Variants in MMRN1 observed in about 807,000 individuals in gnomAD.
The protein encoded by MMRN1 is multimerin-1.
MMRN1 carries 94 observed loss-of-function variants against 100.7 expected under a neutral mutation model. The ratio of observed to expected loss-of-function variants is 0.93; its 90% CI spans 0.79 to 1.11. MMRN1 has a LOEUF of 1.11. Among genes scored for constraint, MMRN1 ranks in the 50% least tolerant of loss-of-function variants. The pLI is 0.00. For missense variants in MMRN1, 1,606 were observed against 1,439.1 expected (o/e 1.12, Z -1.88); for synonymous variants, 575 against 505.0 (o/e 1.14, Z -1.86).
rs1723261342 is a variant in MMRN1, at chr4:89,953,845, T to C, written c.*427T>C. 1 of 152,792 alleles carries C rather than the reference T, an allele frequency of 6.5e-6. No homozygotes were observed. Among genetic ancestry groups the C allele is most frequent in the African/African-American group, 2.4e-5 (1 of 41,476 alleles). The allele number at this position is 152,792 out of a possible 1,614,324, so 9.5% of individuals were successfully genotyped here. A position where few individuals can be genotyped will look rare whatever the true frequency, so the allele number is the denominator to read the frequency against. ...TTCTAGATTCACAAATTTAAATAAA[T>C]TACTCAAAAAATGAAAATTGATTTT... is the stretch of plus-strand genomic sequence containing the variant. On this transcript the variant is annotated 3_prime_UTR_variant, in exon 8 of 8. Transcript: ENST00000264790.
At chr4:89,881,847 G>A (rs1899389) in intron 1 of MMRN1, among the ~76,000 whole-genome samples, 87,508 of 151,772 alleles carry the variant, frequency 0.58, 25,745 homozygotes, top group East Asian at 0.78. Flanking sequence ...TGAGTCTAGT[G>A]TAATAACGTA....
At chr4:89,926,530 C>A (rs1387187032) in intron 4 of MMRN1, among the ~76,000 whole-genome samples, 2 of 151,972 alleles carry the variant, frequency 1.3e-5, no homozygotes, top group Non-Finnish European at 2.9e-5. Flanking sequence ...GATTATTAGT[C>A]CCTTGTCAGA....
chr4:89,911,884 C>T (rs758616249), intron 2 of MMRN1, 60 bp from the exon 3 acceptor site: 112 of 1,160,792 alleles, frequency 9.6e-5, no homozygotes, highest in Middle Eastern at 2.1e-4. Flanking sequence ...TTTATTATTC[C>T]GGCTGATAAT....
intron 4 of MMRN1, among the ~76,000 whole-genome samples, chr4:89,925,178 C>T (rs1323780569): frequency 2.0e-5 from 3 of 151,152 alleles, no homozygotes; most frequent in South Asian, 4.2e-4. Context: ...GGGTCTGCAC[C>T]CAGGCAGGAG....
At chr4:89,940,687 T>C (rs890675878) in intron 6 of MMRN1, among the ~76,000 whole-genome samples, 3 of 152,144 alleles carry the variant, frequency 2.0e-5, no homozygotes, top group Non-Finnish European at 2.9e-5. Context: ...AAGAATAACA[T>C]ACAAACCTTA....
chr4:89,926,255 G>A (rs1722255719), intron 4 of MMRN1, among the ~76,000 whole-genome samples: 1 of 152,134 alleles, frequency 6.6e-6, no homozygotes, highest in African/African-American at 2.4e-5. Flanking sequence ...CAGGGTATGG[G>A]GGGGTTCCCT....
chr4:89,915,604 A>T (rs1485870396), intron 3 of MMRN1, among the ~76,000 whole-genome samples: 1 of 151,518 alleles, frequency 6.6e-6, no homozygotes. Flanking sequence ...CTAATTAAAA[A>T]AAAAAGCATC....
chr4:89,891,824 C>A (rs75579177), upstream of MMRN1, among the ~76,000 whole-genome samples: 879 of 152,036 alleles, frequency 5.8e-3, 3 homozygotes, highest in Non-Finnish European at 9.1e-3. Flanking sequence ...ATAGGAATTT[C>A]TCATGTGAAA....
chr4:89,929,041 C>T (rs1041946234), intron 5 of MMRN1, among the ~76,000 whole-genome samples: 4 of 152,062 alleles, frequency 2.6e-5, no homozygotes, highest in African/African-American at 9.7e-5. Context: ...CCAGGGAAAG[C>T]GTCTAGAAAG....
rs1392656793 is a variant in MMRN1, at chr4:89,942,023, C to T, written c.3118+5225C>T. Among the ~76,000 whole-genome samples the T allele has an allele frequency of 2.6e-5, 4 of 152,212 alleles. No homozygotes were observed. In the East Asian group the frequency reaches 7.7e-4, roughly 29 times the overall value. The stretch of plus-strand genomic sequence containing the variant: ...ACAACCTTTTCTGTCACCTTGTCCT[C>T]AATAAAGTAGCCAGGCTATCTAAGG... On this transcript the variant is annotated intron_variant, in intron 6 of 7. Transcript: ENST00000264790.
At position 89,910,440 on chromosome 4, in the gene MMRN1, G is replaced by A. The variant is rs368811080; in HGVS notation, c.743+1045G>A. ...ACCATAAGTATTTATCTTTATTCTC[G>A]AATCTTATCTTTTTTATGCCTTCTG... On this transcript the variant is annotated intron_variant, in intron 2 of 7. Coordinates refer to ENST00000264790, the MANE Select transcript of MMRN1 (RefSeq NM_007351.3). 8.0e-5 allele frequency among the ~76,000 whole-genome samples: 12 copies of A among 150,624 alleles called. No homozygotes were observed. In the South Asian group the frequency reaches 2.5e-3, roughly 32 times the overall value.
At chr4:89,925,528 A>G (rs1256020425) in intron 4 of MMRN1, among the ~76,000 whole-genome samples, 3 of 149,100 alleles carry the variant, frequency 2.0e-5, no homozygotes, top group Admixed American at 6.7e-5. Context: ...TTAATTTTTA[A>G]TTAAAAATTT....
chr4:89,938,934 C>T (rs781285879), intron 6 of MMRN1, among the ~76,000 whole-genome samples: 26 of 151,918 alleles, frequency 1.7e-4, no homozygotes, highest in Non-Finnish European at 2.9e-4. Context: ...TATGCCAGGC[C>T]GGGCCAGCAA....
intron 6 of MMRN1, among the ~76,000 whole-genome samples, chr4:89,939,791 TTTTTAGGGAG>T (rs1378279644): frequency 3.3e-5 from 5 of 152,162 alleles, no homozygotes; most frequent in Non-Finnish European, 7.4e-5. Context: ...GGAGCCGATA[TTTTTAGGGAG>T]TTTCTTTTCT....
intron 2 of MMRN1, among the ~76,000 whole-genome samples, chr4:89,910,939 G>A (rs1176364102): frequency 6.6e-6 from 1 of 151,296 alleles, no homozygotes; most frequent in African/African-American, 2.4e-5. Context: ...GTTGTACGTG[G>A]CAAACTCCAG....
chr4:89,953,056 T>C lies in MMRN1; in HGVS notation c.3325T>C (p.Tyr1109His). Residue 1109 changes from tyrosine (Y) to histidine (H), a missense_variant, in exon 8 of 8, where the codon TAT (tyrosine) becomes CAT (histidine). Transcript: ENST00000264790. Reference sequence around the variant, plus strand: ...GGTGGCATTTTTTGCATCTCATACGTATGGAATGACTATACCTGGTCCTAT... The same window carrying C: ...GGTGGCATTTTTTGCATCTCATACGCATGGAATGACTATACCTGGTCCTAT... Reference protein sequence around the residue: ...PMVAFFASHTYGMTIPGPILF... With the variant: ...PMVAFFASHTHGMTIPGPILF... 1 of 1,613,726 alleles carries C rather than the reference T, an allele frequency of 6.2e-7. No individual in the cohort carries two copies. Among genetic ancestry groups the C allele is most frequent in the Non-Finnish European group, 8.5e-7 (1 of 1,179,754 alleles).
intron 4 of MMRN1, among the ~76,000 whole-genome samples, chr4:89,923,598 C>A (rs1306077372): frequency 6.6e-6 from 1 of 152,150 alleles, no homozygotes; most frequent in East Asian, 1.9e-4. Flanking sequence ...ATGGAAGACC[C>A]TTGACATGGA....
intron 3 of MMRN1, among the ~76,000 whole-genome samples, chr4:89,912,795 G>C (rs1721796743): frequency 6.6e-6 from 1 of 151,176 alleles, no homozygotes; most frequent in Non-Finnish European, 1.5e-5. Context: ...TAATAAAACT[G>C]TGGAGAAACC....
Position 89,947,209 on chromosome 4 carries a change from G to A in MMRN1, c.3119-4396G>A, listed in dbSNP as rs1723015444. 2.0e-5 allele frequency among the ~76,000 whole-genome samples: 3 copies of A among 152,268 alleles called. No homozygotes were observed. In the South Asian group the frequency reaches 6.2e-4, roughly 32 times the overall value. Reference sequence around the variant, plus strand: ...AGGCAGGAGAATAGCTTAAGTCCAGGAGGCAGAGGTTGCAGTGAGCCAAGA... The same window carrying A: ...AGGCAGGAGAATAGCTTAAGTCCAGAAGGCAGAGGTTGCAGTGAGCCAAGA... On this transcript the variant is annotated intron_variant, in intron 6 of 7. Transcript: ENST00000264790.
Sources: allele counts gnomAD v4.1 joint callset (sites outside exome capture counted in the v4.1 genomes callset), GRCh38; gene constraint gnomAD v4.1.1; transcripts MANE v1.5; gene names NCBI Gene and HGNC (gene_info 2026-07-23, HGNC 2026-07-21).